The following MTUS2 variants were observed in gnomAD, a reference collection of about 807,000 sequenced individuals.
MTUS2 encodes microtubule-associated tumor suppressor candidate 2.
Under a neutral mutation model 114.1 loss-of-function variants are expected in MTUS2, and 40 were observed. The observed-to-expected ratio is 0.35, with a 90% CI of 0.27 to 0.46. The LOEUF (loss-of-function observed/expected upper bound fraction) is 0.46, where lower values mean the gene tolerates loss of function less well. Ranked by LOEUF, MTUS2 falls within the 20% of genes least tolerant of loss-of-function variation. The pLI is 1.00. For missense variants in MTUS2, 1,679 were observed against 1,705.4 expected (o/e 0.98, Z 0.27); for synonymous variants, 688 against 672.0 (o/e 1.02, Z -0.37).
intron 7 of MTUS2, among the ~76,000 whole-genome samples, chr13:29,329,529 C>T (rs1484007992): frequency 1.3e-5 from 2 of 151,998 alleles, no homozygotes; most frequent in East Asian, 3.8e-4. Context: ...TTTCTTTATC[C>T]AGTCTATCAC....
chr13:29,461,194 G>C (rs1406704273), intron 9 of MTUS2, among the ~76,000 whole-genome samples: 1 of 152,138 alleles, frequency 6.6e-6, no homozygotes, highest in Non-Finnish European at 1.5e-5. Flanking sequence ...GACAGAGAGA[G>C]AGAGAAGGGA....
chr13:28,878,919 A>G (rs1027636660), intron 2 of MTUS2, among the ~76,000 whole-genome samples: 11 of 152,218 alleles, frequency 7.2e-5, no homozygotes, highest in Admixed American at 2.0e-4. Context: ...GTCTTCTGCA[A>G]TGGTTGAACT....
chr13:28,919,358 A>C lies in MTUS2; in HGVS notation c.-243+79508A>C, dbSNP rs150520549. 3.0e-3 allele frequency among the ~76,000 whole-genome samples: 463 copies of C among 152,020 alleles called. 2 individuals carry two copies. The highest frequency in any genetic ancestry group is 0.011 in the African/African-American group (438 of 41,474). Reference sequence around the variant, plus strand: ...GCCAGATATACTATTGTAGGGTAAAAGTTTTTTTTCCCTTCAGCACTTTAA... The same window carrying C: ...GCCAGATATACTATTGTAGGGTAAACGTTTTTTTTCCCTTCAGCACTTTAA... On this transcript the variant is annotated intron_variant, in intron 2 of 15. Transcript: ENST00000612955.
intron 5 of MTUS2, among the ~76,000 whole-genome samples, chr13:29,101,468 C>A (rs1360033745): frequency 6.6e-6 from 1 of 152,154 alleles, no homozygotes; most frequent in African/African-American, 2.4e-5. Flanking sequence ...AGTCCATGCC[C>A]AGGAAGATCT....
At position 29,037,117 on chromosome 13, in the gene MTUS2, C is replaced by T. The variant is rs779129597; in HGVS notation, c.2446+2992C>T. ...TTCTTAATAGTGTTGATGGTAATTA[C>T]AATTTGGTATGTTTTTGAAGTGACT... On this transcript the variant is annotated intron_variant, in intron 4 of 15. Transcript: ENST00000612955. Among the ~76,000 whole-genome samples the T allele has an allele frequency of 4.5e-4, 69 of 152,182 alleles. 3 individuals carry two copies. The highest frequency in any genetic ancestry group is 1.6e-4 in the Non-Finnish European group (11 of 68,036).
intron 5 of MTUS2, among the ~76,000 whole-genome samples, chr13:29,113,586 T>A (rs979392454): frequency 2.0e-5 from 3 of 152,156 alleles, no homozygotes; most frequent in Non-Finnish European, 4.4e-5. Flanking sequence ...TAAATCTTAT[T>A]TAATGTTAAT....
chr13:29,083,571 A>G (rs939896811), intron 4 of MTUS2, among the ~76,000 whole-genome samples: 1 of 152,226 alleles, frequency 6.6e-6, no homozygotes, highest in Admixed American at 6.5e-5. Flanking sequence ...AGTCAATTCA[A>G]TAATATAATG....
intron 8 of MTUS2, among the ~76,000 whole-genome samples, chr13:29,402,385 A>G (rs1018745701): frequency 2.6e-5 from 4 of 152,218 alleles, no homozygotes; most frequent in African/African-American, 9.7e-5. Context: ...AGATGGTAGT[A>G]GAGCCAGAAG....
intron 5 of MTUS2, among the ~76,000 whole-genome samples, chr13:29,112,495 A>C (rs2138868253): frequency 6.6e-6 from 1 of 152,320 alleles, no homozygotes; most frequent in Non-Finnish European, 1.5e-5. Flanking sequence ...TCAGGTTACA[A>C]GGGGGTAAGG....
At chr13:28,923,704 A>G (rs1328567706) in intron 2 of MTUS2, among the ~76,000 whole-genome samples, 1 of 152,004 alleles carries the variant, frequency 6.6e-6, no homozygotes, top group Admixed American at 6.6e-5. Flanking sequence ...GTGCTTCTTG[A>G]TGGGATAGGG....
chr13:29,055,114 GTTAC>G (rs1173791018), intron 4 of MTUS2, among the ~76,000 whole-genome samples: 1 of 152,000 alleles, frequency 6.6e-6, no homozygotes, highest in African/African-American at 2.4e-5. Flanking sequence ...TGTTCTATCA[GTTAC>G]TTACAGAAGA....
chr13:29,415,309 T>A (rs576748796), intron 8 of MTUS2, among the ~76,000 whole-genome samples: 1 of 152,178 alleles, frequency 6.6e-6, no homozygotes, highest in South Asian at 2.1e-4. Flanking sequence ...TAATGGATTA[T>A]GTTGAGGGTT....
At chr13:29,389,323 A>ATATGTGTATACACG (rs1872898148) in intron 8 of MTUS2, among the ~76,000 whole-genome samples, 1 of 62,168 alleles carries the variant, frequency 1.6e-5, no homozygotes, top group Non-Finnish European at 3.7e-5. Flanking sequence ...GTATACACAT[A>ATATGTGTATACACG]TGTGTGTATA....
Position 29,359,453 on chromosome 13 carries a change from A to G in MTUS2, c.3097A>G (p.Thr1033Ala). Residue 1033 changes from threonine to alanine, a missense_variant, in exon 8 of 16, where the codon ACG becomes GCG. Physicochemically the swap from Thr to Ala is moderately conservative, Grantham distance 58 (BLOSUM62 0). Transcript: ENST00000612955. ...CGGCTTTGATGCCCTCGCCGTGGCCACGCAGCATTTCTTTAGAAAGGTGAG... is the reference window on the plus strand; with the variant it reads ...CGGCTTTGATGCCCTCGCCGTGGCCGCGCAGCATTTCTTTAGAAAGGTGAG... ...ICGFDALAVA[T>A]QHFFRKNESA... The G allele has an allele frequency of 6.2e-7, 1 of 1,611,506 alleles. No homozygotes were observed. Among genetic ancestry groups the G allele is most frequent in the Non-Finnish European group, 8.5e-7 (1 of 1,179,282 alleles).
At chr13:29,280,779 G>C (rs1389225917) in intron 5 of MTUS2, among the ~76,000 whole-genome samples, 1 of 152,114 alleles carries the variant, frequency 6.6e-6, no homozygotes, top group African/African-American at 2.4e-5. Context: ...TGAATTAATA[G>C]ATTAGCCTCA....
At chr13:29,189,570 A>C (rs1894363522) in intron 5 of MTUS2, among the ~76,000 whole-genome samples, 1 of 152,102 alleles carries the variant, frequency 6.6e-6, no homozygotes, top group South Asian at 2.1e-4. Flanking sequence ...GAAAAAAAAG[A>C]CACTTTCACC....
At chr13:28,961,354 A>G (rs1883319499) in intron 2 of MTUS2, among the ~76,000 whole-genome samples, 2 of 152,198 alleles carry the variant, frequency 1.3e-5, no homozygotes, top group African/African-American at 2.4e-5. Context: ...TTGTGAAAAC[A>G]AAAGACAAAA....
At chr13:29,296,253 C>T (rs1335094753) in intron 6 of MTUS2, among the ~76,000 whole-genome samples, 1 of 152,070 alleles carries the variant, frequency 6.6e-6, no homozygotes, top group Non-Finnish European at 1.5e-5. Context: ...CACTCTGTCA[C>T]CCAGGCTGGA....
intron 2 of MTUS2, among the ~76,000 whole-genome samples, chr13:28,894,954 G>A (rs1021635124): frequency 6.6e-6 from 1 of 152,202 alleles, no homozygotes; most frequent in African/African-American, 2.4e-5. Context: ...GGGGACCACA[G>A]TAGCAATAAA....
Sources: allele counts gnomAD v4.1 joint callset (sites outside exome capture counted in the v4.1 genomes callset), GRCh38; gene constraint gnomAD v4.1.1; transcripts MANE v1.5; gene names NCBI Gene and HGNC (gene_info 2026-07-23, HGNC 2026-07-21).